Variants in ARIH1 observed in about 807,000 individuals in gnomAD.
ARIH1 encodes ariadne RBR E3 ubiquitin protein ligase 1, also known as E3 ubiquitin-protein ligase ARIH1.
A neutral mutation model predicts 85.0 loss-of-function variants in ARIH1; 8 were observed. That is an observed-to-expected ratio of 0.09 (90% confidence interval 0.06 to 0.17). The LOEUF (loss-of-function observed/expected upper bound fraction) is 0.17, where lower values mean the gene tolerates loss of function less well. ARIH1 is among the 10% of genes least tolerant of loss of function. The pLI is 1.00. For missense variants in ARIH1, 311 were observed against 718.1 expected (o/e 0.43, Z 6.48); for synonymous variants, 238 against 253.6 (o/e 0.94, Z 0.59).
intron 1 of ARIH1, among the ~76,000 whole-genome samples, chr15:72,499,103 C>T (rs2063892473): frequency 1.3e-5 from 2 of 150,776 alleles, no homozygotes; most frequent in South Asian, 2.1e-4. Context: ...GCCTCATCCT[C>T]CTGAGTAGCT....
rs397853910 is a variant in ARIH1 at position 72,523,939 on chromosome 15, CTTTTTTTTTTTTTT to C, written c.443+5817_443+5830del. Among the ~76,000 whole-genome samples, 356 of 61,778 alleles carry C rather than the reference CTTTTTTTTTTTTTT, an allele frequency of 5.8e-3. 6 individuals are homozygous for C. The highest frequency in any genetic ancestry group is 7.3e-3 in the Non-Finnish European group (245 of 33,672). 40.5% of individuals were successfully genotyped at this position (61,778 alleles called of 152,430 possible). On this transcript the variant is annotated intron_variant, in intron 2 of 13. Transcript: ENST00000379887. ...AAAATACCGTGTGCTACTTTTACATCTTTTTTTTTTTTTTTTTTTTTTTTTGAGATGGAGTCTCG... is the reference window on the plus strand; with the variant it reads ...AAAATACCGTGTGCTACTTTTACATCTTTTTTTTTTTGAGATGGAGTCTCG...
At chr15:72,571,186 T>C (rs2064244531) in intron 10 of ARIH1, among the ~76,000 whole-genome samples, 1 of 150,134 alleles carries the variant, frequency 6.7e-6, no homozygotes, top group Admixed American at 6.6e-5. Context: ...TGAAGCAGTT[T>C]TCTCACTGGT....
chr15:72,499,916 T>C (rs540192269), intron 1 of ARIH1, among the ~76,000 whole-genome samples: 3 of 152,204 alleles, frequency 2.0e-5, no homozygotes, highest in South Asian at 4.2e-4. Context: ...AACACTTTTT[T>C]CCCCCCTGCA....
At chr15:72,562,613 T>C (rs915297703) in intron 6 of ARIH1, among the ~76,000 whole-genome samples, 24 of 151,922 alleles carry the variant, frequency 1.6e-4, no homozygotes, top group Middle Eastern at 3.4e-3. Context: ...TTTGTTTTTT[T>C]TTTTCCTTCT....
intron 11 of ARIH1, among the ~76,000 whole-genome samples, chr15:72,576,121 G>A (rs1356100684): frequency 1.3e-5 from 2 of 152,104 alleles, no homozygotes; most frequent in Non-Finnish European, 2.9e-5. Flanking sequence ...CCAACCATAG[G>A]GCCAAGTAGT....
At chr15:72,562,127 G>A (rs935413590) in intron 6 of ARIH1, among the ~76,000 whole-genome samples, 2 of 151,886 alleles carry the variant, frequency 1.3e-5, no homozygotes, top group Admixed American at 1.3e-4. Context: ...ATTACTAATC[G>A]TGTCATGTTT....
rs943384066 is a variant in ARIH1, at chr15:72,509,337, G to T, written c.376-8730G>T. Among the ~76,000 whole-genome samples, 4 of 152,080 alleles carry T rather than the reference G, an allele frequency of 2.6e-5. No individual in the cohort carries two copies. The South Asian group carries it at 6.2e-4, about 24-fold the overall frequency. ...CTTCACTACAGGTGCTCCAGTGCAG[G>T]CTAGATTACGTTTATAGTTGAATAC... On this transcript the variant is annotated intron_variant, in intron 1 of 13. Transcript: ENST00000379887.
intron 2 of ARIH1, among the ~76,000 whole-genome samples, chr15:72,542,470 T>C (rs1415157892): frequency 6.6e-6 from 1 of 152,228 alleles, no homozygotes; most frequent in African/African-American, 2.4e-5. Context: ...TAGGTATTTT[T>C]CCCTATCTGA....
intron 3 of ARIH1, among the ~76,000 whole-genome samples, chr15:72,554,242 A>G (rs2064165351): frequency 6.6e-6 from 1 of 152,124 alleles, no homozygotes; most frequent in Non-Finnish European, 1.5e-5. Context: ...CCAGGATTAG[A>G]ATTGCTGGGT....
intron 1 of ARIH1, among the ~76,000 whole-genome samples, chr15:72,487,303 CT>C (rs903305097): frequency 6.6e-6 from 1 of 152,102 alleles, no homozygotes; most frequent in African/African-American, 2.4e-5. Context: ...TTGCCATTGC[CT>C]TTGAAACTGT....
At chr15:72,542,542 A>G (rs1370720006) in intron 2 of ARIH1, among the ~76,000 whole-genome samples, 3 of 152,230 alleles carry the variant, frequency 2.0e-5, no homozygotes, top group African/African-American at 7.2e-5. Flanking sequence ...CTTCAGAATA[A>G]CATTGGTTGG....
At chr15:72,568,337 C>A (rs2064229864) in intron 9 of ARIH1, among the ~76,000 whole-genome samples, 1 of 152,082 alleles carries the variant, frequency 6.6e-6, no homozygotes, top group Admixed American at 6.5e-5. Context: ...TCCCAGAATT[C>A]TTTAATATGC....
At chr15:72,519,506 G>A (rs374130867) in intron 2 of ARIH1, among the ~76,000 whole-genome samples, 8 of 112,498 alleles carry the variant, frequency 7.1e-5, no homozygotes, top group Non-Finnish European at 6.9e-5. Context: ...TTTTTGAGAC[G>A]GAGTTTCGCT....
intron 11 of ARIH1, among the ~76,000 whole-genome samples, chr15:72,579,576 C>G (rs1255977402): frequency 6.6e-6 from 1 of 152,190 alleles, no homozygotes; most frequent in Admixed American, 6.5e-5. Flanking sequence ...TCACCAGTGT[C>G]TAATTTGGTA....
intron 4 of ARIH1, among the ~76,000 whole-genome samples, 179 bp downstream of exon 4, chr15:72,555,542 C>G (rs981820160): frequency 2.6e-5 from 4 of 152,182 alleles, no homozygotes; most frequent in African/African-American, 9.7e-5. Context: ...AAGAGCCACT[C>G]CAGGTAACGT....
At chr15:72,480,245 A>G (rs1461361031) in intron 1 of ARIH1, among the ~76,000 whole-genome samples, 4 of 151,190 alleles carry the variant, frequency 2.6e-5, no homozygotes, top group African/African-American at 9.7e-5. Context: ...TGTCTAGTTA[A>G]TATCTCAGAA....
At chr15:72,549,379 C>T (rs927681071) in intron 3 of ARIH1, among the ~76,000 whole-genome samples, 18 of 152,068 alleles carry the variant, frequency 1.2e-4, no homozygotes, top group African/African-American at 3.9e-4. Flanking sequence ...TGAGCCGCCA[C>T]GGCCAGCCAG....
chr15:72,530,169 T>C (rs897772613), intron 2 of ARIH1, among the ~76,000 whole-genome samples: 1 of 152,224 alleles, frequency 6.6e-6, no homozygotes, highest in Non-Finnish European at 1.5e-5. Flanking sequence ...TTCCTTTCAC[T>C]AAATACACTA....
Position 72,587,893 on chromosome 15 carries a change from T to C in ARIH1, c.*4601T>C, listed in dbSNP as rs2140443478. ...TTTTTAAGGCAACTATTGTTGACCT[T>C]TCTCTAGGCGGTAGCATTTAGGATG... is the stretch of plus-strand genomic sequence containing the variant. On this transcript the variant is annotated 3_prime_UTR_variant, in exon 14 of 14. Coordinates refer to ENST00000379887, the MANE Select transcript of ARIH1 (RefSeq NM_005744.5). 1 of 152,340 alleles carries C rather than the reference T, an allele frequency of 6.6e-6. No homozygotes were observed. The highest frequency in any genetic ancestry group is 2.1e-4 in the South Asian group (1 of 4,832). 9.4% of individuals were successfully genotyped at this position (152,340 alleles called of 1,614,324 possible). A position where few individuals can be genotyped will look rare whatever the true frequency, so the allele number is the denominator to read the frequency against.
Sources: gnomAD v4.1 joint callset for allele counts (sites outside exome capture counted in the v4.1 genomes callset) on GRCh38, gnomAD v4.1.1 for gene constraint, MANE v1.5 for transcripts, NCBI Gene and HGNC (gene_info 2026-07-23, HGNC 2026-07-21) for gene names.